Variants in FUT4 observed in about 807,000 individuals in gnomAD.
FUT4 encodes the protein fucosyltransferase 4.
In FUT4, 1 loss-of-function variant was observed where a neutral mutation model predicts 3.8. The ratio of observed to expected loss-of-function variants is 0.26; its 90% CI spans 0.09 to 1.25. The LOEUF (loss-of-function observed/expected upper bound fraction) is 1.25, where lower values mean the gene tolerates loss of function less well. Ranked by LOEUF, FUT4 falls within the 50% of genes most tolerant of loss-of-function variation. The probability of loss-of-function intolerance (pLI) is 0.47; values close to 1 mark genes in which losing one functional copy is unlikely to be tolerated. For synonymous variants in FUT4, 417 were observed against 355.3 expected, an observed-to-expected ratio of 1.17 and a Z score of -1.95; for missense variants, 880 against 768.2, an observed-to-expected ratio of 1.15 and a Z score of -1.72.
Position 94,548,572 on chromosome 11 carries a change from A to G in FUT4, c.*2846A>G, listed in dbSNP as rs1371463304. 6.0e-6 allele frequency: 1 copy of G among 166,982 alleles called. No homozygotes were observed. The highest frequency in any genetic ancestry group is 6.5e-5 in the Admixed American group (1 of 15,278). 10.3% of individuals were successfully genotyped at this position (166,982 alleles called of 1,614,324 possible). ...ATTTTTATTCACATACACATTGTTAATGTGGAACAATTTAACACTAATCTC... is the reference window on the plus strand; with the variant it reads ...ATTTTTATTCACATACACATTGTTAGTGTGGAACAATTTAACACTAATCTC... On this transcript the variant is annotated 3_prime_UTR_variant, in exon 1 of 1. Coordinates refer to ENST00000358752, the MANE Select transcript of FUT4 (RefSeq NM_002033.4).
rs942728416 is a variant in FUT4, at chr11:94,547,651, G to A, written c.*1925G>A. On this transcript the variant is annotated 3_prime_UTR_variant, in exon 1 of 1. Transcript: ENST00000358752. ...TTACAATTACAAAGTGCCAGCCACCGAATAAAGATAAAAGTTCAGTTCTTA... is the reference window on the plus strand; with the variant it reads ...TTACAATTACAAAGTGCCAGCCACCAAATAAAGATAAAAGTTCAGTTCTTA... 3 of 167,042 alleles carry A rather than the reference G, an allele frequency of 1.8e-5. No homozygotes were observed. Among genetic ancestry groups the A allele is most frequent in the African/African-American group, 4.8e-5 (2 of 41,448 alleles). 10.3% of individuals were successfully genotyped at this position (167,042 alleles called of 1,614,324 possible).
At position 94,547,166 on chromosome 11, in the gene FUT4, G is replaced by A. The variant is rs1477124966; in HGVS notation, c.*1440G>A. 1.8e-5 allele frequency: 3 copies of A among 167,084 alleles called. No individual in the cohort carries two copies. The highest frequency in any genetic ancestry group is 4.8e-5 in the African/African-American group (2 of 41,466). The allele number at this position is 167,084 out of a possible 1,614,324, so 10.4% of individuals were successfully genotyped here. A position where few individuals can be genotyped will look rare whatever the true frequency, so the allele number is the denominator to read the frequency against. On this transcript the variant is annotated 3_prime_UTR_variant, in exon 1 of 1. Coordinates refer to ENST00000358752, the MANE Select transcript of FUT4 (RefSeq NM_002033.4). ...TGAGCTTGGGGCCCTAGGGAAGATAGAGAATTATACAAGGCAAAGTCCTTC... is the reference window on the plus strand; with the variant it reads ...TGAGCTTGGGGCCCTAGGGAAGATAAAGAATTATACAAGGCAAAGTCCTTC...
rs923442556 is a variant in FUT4 at position 94,544,548 on chromosome 11, G to C, written c.415G>C (p.Gly139Arg). ...GGGCTCGCCGACGGCGGCGGCGGGC[G>C]GGCGGCGCGGGTGGCGCCGAGGCCG... The part of the protein sequence containing the change: ...PWGSPTAAAG[G>R]RRGWRRGRGL... Residue 139 changes from glycine (G) to arginine (R), a missense_variant, in exon 1 of 1, where the codon GGG becomes CGG. Physicochemically the swap from Gly to Arg is moderately radical, Grantham distance 125. Transcript: ENST00000358752. 5 of 1,290,762 alleles carry C rather than the reference G, an allele frequency of 3.9e-6. No homozygotes were observed. In the African/African-American group the frequency reaches 7.8e-5, roughly 20 times the overall value. 80.0% of individuals were successfully genotyped at this position (1,290,762 alleles called of 1,614,324 possible).
In FUT4 at chr11:94,549,586, AG is replaced by A. The variant is rs1947903195; in HGVS notation, c.*3862del. The A allele has an allele frequency of 6.0e-6, 1 of 167,118 alleles. No homozygotes were observed. The highest frequency in any genetic ancestry group is 2.1e-4 in the South Asian group (1 of 4,834). 10.4% of individuals were successfully genotyped at this position (167,118 alleles called of 1,614,324 possible). ...TTACAGTCTGGAACTGACAATATGC[AG>A]GAGCAGTAAACTGGCAGAAAACCAG... On this transcript the variant is annotated 3_prime_UTR_variant, in exon 1 of 1. Coordinates refer to ENST00000358752, the MANE Select transcript of FUT4 (RefSeq NM_002033.4).
Position 94,544,570 on chromosome 11 carries a change from G to C in FUT4, c.437G>C (p.Gly146Ala). ...GGCGGGCGGCGCGGGTGGCGCCGAGGCCGGGGGCTGCCATGGACCGTCTGT... is the reference window on the plus strand; with the variant it reads ...GGCGGGCGGCGCGGGTGGCGCCGAGCCCGGGGGCTGCCATGGACCGTCTGT... ...AAGGRRGWRRGRGLPWTVCVL... is the reference protein window; with the variant it reads ...AAGGRRGWRRARGLPWTVCVL... Residue 146 changes from glycine to alanine, a missense_variant, in exon 1 of 1, where the codon GGC becomes GCC. Transcript: ENST00000358752. The C allele has an allele frequency of 4.6e-6, 6 of 1,301,836 alleles. No individual in the cohort carries two copies. Among genetic ancestry groups the C allele is most frequent in the Non-Finnish European group, 5.8e-6 (6 of 1,032,350 alleles). 80.6% of individuals were successfully genotyped at this position (1,301,836 alleles called of 1,614,324 possible).
Position 94,545,281 on chromosome 11 carries a change from T to C in FUT4, c.1148T>C (p.Val383Ala), listed in dbSNP as rs1565259204. The change falls in exon 1 of 1, where the codon GTG becomes GCG. Residue 383 changes from valine (V) to alanine (A), a missense_variant. Physicochemically the swap from Val to Ala is moderately conservative, Grantham distance 64 (BLOSUM62 0). Coordinates refer to ENST00000358752, the MANE Select transcript of FUT4 (RefSeq NM_002033.4). ...CACCAACTGAGCCAACATGTGACCG[T>C]GGACGTGTTCGGCCGGGGCGGGCCG... ...YYHQLSQHVT[V>A]DVFGRGGPGQ... 1.2e-6 allele frequency: 2 copies of C among 1,612,130 alleles called. No homozygotes were observed. Among genetic ancestry groups the C allele is most frequent in the Middle Eastern group, 1.6e-4 (1 of 6,062 alleles).
Position 94,549,134 on chromosome 11 carries a change from T to C in FUT4, c.*3408T>C, listed in dbSNP as rs1947898993. The C allele has an allele frequency of 6.0e-6, 1 of 167,002 alleles. No individual in the cohort carries two copies. The highest frequency in any genetic ancestry group is 1.5e-5 in the Non-Finnish European group (1 of 68,118). The allele number at this position is 167,002 out of a possible 1,614,324, so 10.3% of individuals were successfully genotyped here. On this transcript the variant is annotated 3_prime_UTR_variant, in exon 1 of 1. Transcript: ENST00000358752. ...AAAGTGCTATATAATTATAAGATGT[T>C]CTAAATTTTCAAGGATCTAAACCAG...
In FUT4 at chr11:94,546,581, T is replaced by C. The variant is rs1177122659; in HGVS notation, c.*855T>C. 1.2e-5 allele frequency: 2 copies of C among 166,788 alleles called. No individual in the cohort carries two copies. Among genetic ancestry groups the C allele is most frequent in the African/African-American group, 4.8e-5 (2 of 41,446 alleles). 10.3% of individuals were successfully genotyped at this position (166,788 alleles called of 1,614,324 possible). On this transcript the variant is annotated 3_prime_UTR_variant, in exon 1 of 1. Coordinates refer to ENST00000358752, the MANE Select transcript of FUT4 (RefSeq NM_002033.4). ...TATAACCTGGATTTTTTAAATCATA[T>C]TAAAATTACAGATGTGAAAATAAAG...
At position 94,544,937 on chromosome 11, in the gene FUT4, G is replaced by A; in HGVS notation, c.804G>A (p.Leu268=). The change falls in exon 1 of 1, where the codon TTG becomes TTA. Residue 268 remains leucine (L), a synonymous_variant. Transcript: ENST00000358752. ...CCGAGGAGGTGGATCTGCGCGTGTTGGACTACGAGGAGGCAGCGGCGGCGG... is the reference window on the plus strand; with the variant it reads ...CCGAGGAGGTGGATCTGCGCGTGTTAGACTACGAGGAGGCAGCGGCGGCGG... ...HTAEEVDLRV[L]DYEEAAAAAE... 1 of 1,606,584 alleles carries A rather than the reference G, an allele frequency of 6.2e-7. No individual in the cohort carries two copies. Among genetic ancestry groups the A allele is most frequent in the Non-Finnish European group, 8.5e-7 (1 of 1,177,146 alleles).
Position 94,544,195 on chromosome 11 carries a change from C to T in FUT4, c.62C>T (p.Ala21Val), listed in dbSNP as rs1400777684. Residue 21 changes from alanine (A) to valine (V), a missense_variant, in exon 1 of 1, where the codon GCG becomes GTG. This residue lies in a region of FUT4 where 447 missense variants were observed against 339.5 expected (regional missense o/e 1.32). Transcript: ENST00000358752. ...GGCGCGGGCTGGGAGAAGGAGTGGG[C>T]GGAGGCGCCGCAGGAGGCTCCCGGG... ...PSGAGWEKEW[A>V]EAPQEAPGAW... 1.1e-5 allele frequency: 15 copies of T among 1,414,218 alleles called. No individual in the cohort carries two copies. The highest frequency in any genetic ancestry group is 1.4e-5 in the Non-Finnish European group (15 of 1,088,144). 87.6% of individuals were successfully genotyped at this position (1,414,218 alleles called of 1,614,324 possible).
rs773028312 is a variant in FUT4 at position 94,544,632 on chromosome 11, A to T, written c.499A>T (p.Ile167Phe). 39 of 1,507,918 alleles carry T rather than the reference A, an allele frequency of 2.6e-5. No individual in the cohort carries two copies. The African/African-American group carries it at 4.3e-4, about 16-fold the overall frequency. 93.4% of individuals were successfully genotyped at this position (1,507,918 alleles called of 1,614,324 possible). A position where few individuals can be genotyped will look rare whatever the true frequency, so the allele number is the denominator to read the frequency against. The change falls in exon 1 of 1, where the codon ATC becomes TTC. Residue 167 changes from isoleucine to phenylalanine, a missense_variant. By Grantham distance (21) the Ile-to-Phe change is conservative. Transcript: ENST00000358752. ...AAAGLTCTAL[I>F]TYACWGQLPP... ...CGCCGGCTTGACGTGTACGGCGCTG[A>T]TCACCTACGCTTGCTGGGGGCAGCT...
chr11:94,545,753 G>GTC lies in FUT4; in HGVS notation c.*27_*28insTC. On this transcript the variant is annotated 3_prime_UTR_variant, in exon 1 of 1. Transcript: ENST00000358752. ...GCCGCGCTCCCCTGGAAGCGACCCA[G>GTC]GGGAGGCCAAGTTGTCAGCTTTTTG... 6.3e-7 allele frequency: 1 copy of GTC among 1,594,534 alleles called. No individual in the cohort carries two copies. Among genetic ancestry groups the GTC allele is most frequent in the Non-Finnish European group, 8.5e-7 (1 of 1,171,108 alleles).
At position 94,544,954 on chromosome 11, in the gene FUT4, C is replaced by T; in HGVS notation, c.821C>T (p.Ala274Val). Reference sequence around the variant, plus strand: ...CGCGTGTTGGACTACGAGGAGGCAGCGGCGGCGGCAGAAGCCCTGGCGACC... The same window carrying T: ...CGCGTGTTGGACTACGAGGAGGCAGTGGCGGCGGCAGAAGCCCTGGCGACC... ...DLRVLDYEEAAAAAEALATSS... is the reference protein window; with the variant it reads ...DLRVLDYEEAVAAAEALATSS... Residue 274 changes from alanine (A) to valine (V), a missense_variant, in exon 1 of 1, where the codon GCG becomes GTG. Physicochemically the swap from Ala to Val is moderately conservative, Grantham distance 64 (BLOSUM62 0). Coordinates refer to ENST00000358752, the MANE Select transcript of FUT4 (RefSeq NM_002033.4). 6.2e-7 allele frequency: 1 copy of T among 1,604,256 alleles called. No homozygotes were observed.
Position 94,549,581 on chromosome 11 carries a change from T to C in FUT4, c.*3855T>C, listed in dbSNP as rs1947903147. The C allele has an allele frequency of 6.0e-6, 1 of 166,976 alleles. No homozygotes were observed. The allele number at this position is 166,976 out of a possible 1,614,324, so 10.3% of individuals were successfully genotyped here. ...CTTCCTTACAGTCTGGAACTGACAA[T>C]ATGCAGGAGCAGTAAACTGGCAGAA... On this transcript the variant is annotated 3_prime_UTR_variant, in exon 1 of 1. Transcript: ENST00000358752.
rs1810345301 is a variant in FUT4, at chr11:94,544,096, G to A, written c.-38G>A. 3 of 1,364,384 alleles carry A rather than the reference G, an allele frequency of 2.2e-6. No homozygotes were observed. Among genetic ancestry groups the A allele is most frequent in the African/African-American group, 3.1e-5 (2 of 64,926 alleles). 84.5% of individuals were successfully genotyped at this position (1,364,384 alleles called of 1,614,324 possible). A position where few individuals can be genotyped will look rare whatever the true frequency, so the allele number is the denominator to read the frequency against. On this transcript the variant is annotated 5_prime_UTR_variant, in exon 1 of 1. Transcript: ENST00000358752. ...GCCAGGGCGGTGGGCGCGCGCAGAG[G>A]GAAACCGGATCAGTTGAGAGAGAAT...
In FUT4 at chr11:94,544,045, G is replaced by A. The variant is rs1947825299; in HGVS notation, c.-89G>A. 4.5e-6 allele frequency: 6 copies of A among 1,334,152 alleles called. No individual in the cohort carries two copies. The highest frequency in any genetic ancestry group is 5.8e-6 in the Non-Finnish European group (6 of 1,040,736). 82.6% of individuals were successfully genotyped at this position (1,334,152 alleles called of 1,614,324 possible). On this transcript the variant is annotated 5_prime_UTR_variant, in exon 1 of 1. Transcript: ENST00000358752. The stretch of plus-strand genomic sequence containing the variant: ...GAACCGGGCCTTCCCTCTGGAAGGC[G>A]AGGGTTCGGGCCACAGTGAGCGAGG...
Position 94,544,475 on chromosome 11 carries a change from G to C in FUT4, c.342G>C (p.Ala114=), listed in dbSNP as rs750293432. ...SRCRSSTPAD[A]WRAEAALPVR... ...GCCGCTCCTCCACGCCTGCGGACGC[G>C]TGGCGAGCGGAGGCAGCGCTGCCTG... The change falls in exon 1 of 1, where the codon GCG becomes GCC. Residue 114 remains alanine (A), a synonymous_variant. Transcript: ENST00000358752. The C allele has an allele frequency of 2.0e-6, 3 of 1,492,272 alleles. No homozygotes were observed. In the African/African-American group the frequency reaches 4.4e-5, roughly 22 times the overall value. 92.4% of individuals were successfully genotyped at this position (1,492,272 alleles called of 1,614,324 possible). A position where few individuals can be genotyped will look rare whatever the true frequency, so the allele number is the denominator to read the frequency against.
At position 94,546,590 on chromosome 11, in the gene FUT4, C is replaced by A. The variant is rs1469076507; in HGVS notation, c.*864C>A. 6.0e-6 allele frequency: 1 copy of A among 166,726 alleles called. No homozygotes were observed. The highest frequency in any genetic ancestry group is 2.4e-5 in the African/African-American group (1 of 41,552). The allele number at this position is 166,726 out of a possible 1,614,324, so 10.3% of individuals were successfully genotyped here. A position where few individuals can be genotyped will look rare whatever the true frequency, so the allele number is the denominator to read the frequency against. On this transcript the variant is annotated 3_prime_UTR_variant, in exon 1 of 1. Transcript: ENST00000358752. ...GATTTTTTAAATCATATTAAAATTA[C>A]AGATGTGAAAATAAAGCAGAAGCAA...
rs1397416447 is a variant in FUT4 at position 94,544,699 on chromosome 11, T to C, written c.566T>C (p.Val189Ala). Residue 189 changes from valine to alanine, a missense_variant, in exon 1 of 1, where the codon GTG becomes GCG. Transcript: ENST00000358752. ...GCGTCGCCAACCCCGTCGCGACCGG[T>C]GGGCGTGCTGCTGTGGTGGGAGCCC... ...PWASPTPSRP[V>A]GVLLWWEPFG... 1 of 1,480,900 alleles carries C rather than the reference T, an allele frequency of 6.8e-7. No homozygotes were observed. The highest frequency in any genetic ancestry group is 2.6e-5 in the East Asian group (1 of 37,950). 91.7% of individuals were successfully genotyped at this position (1,480,900 alleles called of 1,614,324 possible).
Sources: gnomAD v4.1 joint callset for allele counts on GRCh38, gnomAD v4.1.1 for gene constraint, gnomAD v4.1.1 regional missense constraint, MANE v1.5 for transcripts, NCBI Gene and HGNC (gene_info 2026-07-23, HGNC 2026-07-21) for gene names.